The following WWOX variants were observed in gnomAD, a reference collection of about 807,000 sequenced individuals.
WWOX encodes the protein WW domain-containing oxidoreductase.
Under a neutral mutation model 46.2 loss-of-function variants are expected in WWOX, and 69 were observed. That is an observed-to-expected ratio of 1.49 (90% CI 1.23 to 1.82). WWOX has a LOEUF of 1.82. Ranked by LOEUF, WWOX falls within the 40% of genes most tolerant of loss-of-function variation. The pLI, the probability that WWOX is intolerant of heterozygous loss-of-function variation, is 0.00. For synonymous variants in WWOX, 359 were observed against 202.6 expected (o/e 1.77, Z -6.56); for missense variants, 919 against 542.6 (o/e 1.69, Z -6.89).
At chr16:78,304,706 A>G (rs974683126) in intron 5 of WWOX, among the ~76,000 whole-genome samples, 1 of 152,210 alleles carries the variant, frequency 6.6e-6, no homozygotes, top group Non-Finnish European at 1.5e-5. Context: ...TTATTTTGCT[A>G]TTATGAACAA....
At position 78,351,080 on chromosome 16, in the gene WWOX, G is replaced by T. The variant is rs533080497; in HGVS notation, c.517-35780G>T. ...TGAACATCTCTTCATATGATTATTG[G>T]ATGGATGATTTTTTTCAGCGGTTAT... On this transcript the variant is annotated intron_variant, in intron 5 of 8. Coordinates refer to ENST00000566780, the MANE Select transcript of WWOX (RefSeq NM_016373.4). Among the ~76,000 whole-genome samples, 3 of 152,242 alleles carry T rather than the reference G, an allele frequency of 2.0e-5. No individual in the cohort carries two copies. In the South Asian group the frequency reaches 6.2e-4, roughly 32 times the overall value.
At chr16:79,101,430 A>T (rs2049190815) in intron 8 of WWOX, 1 of 152,180 alleles carries the variant, frequency 6.6e-6, no homozygotes, top group South Asian at 2.1e-4. Context: ...AAAGTTGGGT[A>T]AATTCCCCAA....
At chr16:78,150,904 C>T (rs574626376) in intron 4 of WWOX, among the ~76,000 whole-genome samples, 26 of 152,156 alleles carry the variant, frequency 1.7e-4, no homozygotes, top group African/African-American at 3.6e-4. Flanking sequence ...GACAGGGTCT[C>T]GCTCTGTCAC....
At chr16:78,162,680 A>G (rs2034835525) in intron 4 of WWOX, among the ~76,000 whole-genome samples, 1 of 152,140 alleles carries the variant, frequency 6.6e-6, no homozygotes, top group East Asian at 1.9e-4. Context: ...CTGTCTTTAA[A>G]TATTGCTTTT....
At chr16:79,205,404 G>C (rs1051894509) in intron 8 of WWOX, 1 of 152,176 alleles carries the variant, frequency 6.6e-6, no homozygotes, top group Non-Finnish European at 1.5e-5. Flanking sequence ...TGCTAGCAAA[G>C]AAATATTTTT....
chr16:78,382,917 C>T lies in WWOX; in HGVS notation c.517-3943C>T, dbSNP rs901051042. Among the ~76,000 whole-genome samples, 8 of 151,888 alleles carry T rather than the reference C, an allele frequency of 5.3e-5. No individual in the cohort carries two copies. The East Asian group carries it at 1.4e-3, about 26-fold the overall frequency. On this transcript the variant is annotated intron_variant, in intron 5 of 8. Coordinates refer to ENST00000566780, the MANE Select transcript of WWOX (RefSeq NM_016373.4). ...ATAAAGAAAGCAGGTTTAATTGGCT[C>T]ATTGTTCTGTGTTCATGTTCTGCTT...
chr16:78,665,175 C>T (rs887599599), intron 8 of WWOX, among the ~76,000 whole-genome samples: 3 of 152,104 alleles, frequency 2.0e-5, no homozygotes, highest in African/African-American at 7.2e-5. Context: ...GAGTAGGGAG[C>T]TGTGATGACG....
chr16:79,181,695 G>T (rs1003192566), intron 8 of WWOX, among the ~76,000 whole-genome samples: 4 of 152,070 alleles, frequency 2.6e-5, no homozygotes, highest in African/African-American at 9.7e-5. Flanking sequence ...ACATCTTTCT[G>T]CATGGCTCTT....
At chr16:79,030,487 T>A (rs920625198) in intron 8 of WWOX, among the ~76,000 whole-genome samples, 11 of 152,126 alleles carry the variant, frequency 7.2e-5, no homozygotes, top group African/African-American at 2.7e-4. Context: ...TGGCTTAAGG[T>A]TCCCACAGAA....
intron 8 of WWOX, among the ~76,000 whole-genome samples, chr16:79,011,244 C>A (rs1356165198): frequency 6.6e-6 from 1 of 151,196 alleles, no homozygotes; most frequent in Admixed American, 6.6e-5. Context: ...CAGGCATCTT[C>A]TGAGAATAAG....
intron 8 of WWOX, among the ~76,000 whole-genome samples, chr16:78,499,507 G>C (rs144268760): frequency 1.5e-3 from 228 of 152,318 alleles, no homozygotes; most frequent in East Asian, 9.3e-3. Context: ...TTGGCAACTA[G>C]CAGCGACTGC....
At chr16:78,935,606 T>TG (rs1289278445) in intron 8 of WWOX, among the ~76,000 whole-genome samples, 1 of 116,202 alleles carries the variant, frequency 8.6e-6, no homozygotes, top group Non-Finnish European at 1.8e-5. Flanking sequence ...GGGCCTGTCG[T>TG]GGGCTGGGGG....
intron 8 of WWOX, among the ~76,000 whole-genome samples, chr16:79,103,850 A>C (rs913091076): frequency 2.6e-5 from 4 of 152,124 alleles, no homozygotes; most frequent in Non-Finnish European, 4.4e-5. Flanking sequence ...ACGTTTCTAC[A>C]CATCTGCCTG....
In WWOX at chr16:79,136,830, C is replaced by T. The variant is rs933818587; in HGVS notation, c.1057-74778C>T. ...CATGCCTGTGTTATGCCGGGAACTT[C>T]TTAACATTTCCAGAATATGTGTAAT... On this transcript the variant is annotated intron_variant, in intron 8 of 8. Coordinates refer to ENST00000566780, the MANE Select transcript of WWOX (RefSeq NM_016373.4). 4.6e-5 allele frequency among the ~76,000 whole-genome samples: 7 copies of T among 152,334 alleles called. No individual in the cohort carries two copies. In the East Asian group the frequency reaches 1.2e-3, roughly 25 times the overall value.
At chr16:78,950,728 T>A (rs1188780961) in intron 8 of WWOX, among the ~76,000 whole-genome samples, 2 of 152,122 alleles carry the variant, frequency 1.3e-5, no homozygotes, top group Non-Finnish European at 1.5e-5. Context: ...ACACTCACGG[T>A]GATAAAATTG....
chr16:78,329,907 C>G (rs963645262), intron 5 of WWOX, among the ~76,000 whole-genome samples: 5 of 151,966 alleles, frequency 3.3e-5, no homozygotes, highest in Non-Finnish European at 7.4e-5. Flanking sequence ...CCACCATGAC[C>G]AGCTAATCTT....
chr16:78,374,783 C>A (rs560302158), intron 5 of WWOX, among the ~76,000 whole-genome samples: 2 of 151,966 alleles, frequency 1.3e-5, no homozygotes, highest in Admixed American at 6.6e-5. Flanking sequence ...ATCTCCTGAC[C>A]TTGTGGTCCG....
At chr16:78,126,003 T>C (rs2033345467) in intron 4 of WWOX, among the ~76,000 whole-genome samples, 1 of 152,212 alleles carries the variant, frequency 6.6e-6, no homozygotes, top group Non-Finnish European at 1.5e-5. Flanking sequence ...AAGTATACTA[T>C]TAATATTTAG....
chr16:78,472,330 G>A (rs956018119), intron 8 of WWOX, among the ~76,000 whole-genome samples: 1 of 152,140 alleles, frequency 6.6e-6, no homozygotes, highest in Non-Finnish European at 1.5e-5. Context: ...TTCCAAGCCT[G>A]TCAATTCTGA....
Sources: gnomAD v4.1 joint callset for allele counts (sites outside exome capture counted in the v4.1 genomes callset) on GRCh38, gnomAD v4.1.1 for gene constraint, MANE v1.5 for transcripts, NCBI Gene and HGNC (gene_info 2026-07-23, HGNC 2026-07-21) for gene names.